GRIN2B: variants seen among roughly 807,000 people sequenced by gnomAD.
The protein encoded by GRIN2B is glutamate receptor ionotropic, NMDA 2B.
GRIN2B carries 5 observed loss-of-function variants against 114.5 expected under a neutral mutation model. The observed-to-expected ratio is 0.04, with a 90% CI of 0.02 to 0.09. GRIN2B has a LOEUF of 0.09. Ranked by LOEUF, GRIN2B falls within the 10% of genes least tolerant of loss-of-function variation. The pLI is 1.00. For synonymous variants in GRIN2B, 787 were observed against 745.1 expected, an observed-to-expected ratio of 1.06 and a Z score of -0.92; for missense variants, 1,108 against 1,943.5, an observed-to-expected ratio of 0.57 and a Z score of 8.08.
chr12:13,946,999 G>T (rs138907539), intron 2 of GRIN2B, among the ~76,000 whole-genome samples: 51 of 152,290 alleles, frequency 3.3e-4, no homozygotes, highest in African/African-American at 1.2e-3. Context: ...CTTTGGTAAG[G>T]AGAGAAAAGA....
chr12:13,707,128 G>C (rs1322882345), intron 4 of GRIN2B, among the ~76,000 whole-genome samples: 1 of 152,014 alleles, frequency 6.6e-6, no homozygotes, highest in African/African-American at 2.4e-5. Context: ...ATCTCACTTT[G>C]CTTTTATTCC....
intron 3 of GRIN2B, among the ~76,000 whole-genome samples, chr12:13,817,539 T>A (rs1864849685): frequency 1.3e-5 from 2 of 152,182 alleles, no homozygotes; most frequent in African/African-American, 4.8e-5. Flanking sequence ...CTAGCACATG[T>A]GGAATGCAAA....
At chr12:13,692,268 T>C (rs960877283) in intron 4 of GRIN2B, among the ~76,000 whole-genome samples, 1 of 152,098 alleles carries the variant, frequency 6.6e-6, no homozygotes, top group Non-Finnish European at 1.5e-5. Flanking sequence ...ACCAAGTTCA[T>C]ACGTTAGGGA....
At chr12:13,665,517 A>G (rs975412236) in intron 5 of GRIN2B, among the ~76,000 whole-genome samples, 3 of 152,088 alleles carry the variant, frequency 2.0e-5, no homozygotes, top group African/African-American at 7.2e-5. Context: ...TTGTACTCTT[A>G]TACTCCATGT....
chr12:13,920,244 A>T (rs1866800358), intron 2 of GRIN2B, among the ~76,000 whole-genome samples: 1 of 151,928 alleles, frequency 6.6e-6, no homozygotes, highest in Admixed American at 6.6e-5. Context: ...AGAAAAAAAA[A>T]AAAAAACGGG....
intron 2 of GRIN2B, among the ~76,000 whole-genome samples, chr12:13,897,717 T>A (rs1866376329): frequency 6.6e-6 from 1 of 152,112 alleles, no homozygotes; most frequent in African/African-American, 2.4e-5. Flanking sequence ...AGCCTATGAA[T>A]CTTTAAATAT....
chr12:13,581,717 C>T (rs1245792872), intron 10 of GRIN2B, among the ~76,000 whole-genome samples: 1 of 152,082 alleles, frequency 6.6e-6, no homozygotes, highest in East Asian at 1.9e-4. Context: ...TGAGACCAGC[C>T]TGGACAACAT....
chr12:13,838,308 A>T (rs1206386835), intron 3 of GRIN2B, among the ~76,000 whole-genome samples: 1 of 152,126 alleles, frequency 6.6e-6, no homozygotes, highest in Non-Finnish European at 1.5e-5. Context: ...AGCCCCTGAT[A>T]TTCCCTTGGA....
rs56276974 is a variant in GRIN2B at position 13,945,280 on chromosome 12, A to C, written c.-19+34648T>G. Among the ~76,000 whole-genome samples the C allele has an allele frequency of 2.2e-3, 337 of 152,312 alleles. 2 individuals are homozygous for C. Among genetic ancestry groups the C allele is most frequent in the African/African-American group, 7.9e-3 (328 of 41,568 alleles). On this transcript the variant is annotated intron_variant, in intron 2 of 13. Coordinates refer to ENST00000609686, the MANE Select transcript of GRIN2B (RefSeq NM_000834.5). ...CCATTGAAGGTATCATTGTTATGAC[A>C]TTAGAAAGAGTGAGAAGTGGCAGGG...
At position 13,675,958 on chromosome 12, in the gene GRIN2B, A is replaced by G. The variant is rs945266187; in HGVS notation, c.1011-99T>C. 6.9e-6 allele frequency: 5 copies of G among 729,370 alleles called. No homozygotes were observed. The African/African-American group carries it at 8.6e-5, about 13-fold the overall frequency. 45.2% of individuals were successfully genotyped at this position (729,370 alleles called of 1,614,324 possible). A position where few individuals can be genotyped will look rare whatever the true frequency, so the allele number is the denominator to read the frequency against. On this transcript the variant is annotated intron_variant, in intron 4 of 13. Transcript: ENST00000609686. ...GAGAGAAAGCTGGCTGGAGACAGACAAGTAAATAGAAATACAGATACCATT... is the reference window on the plus strand; with the variant it reads ...GAGAGAAAGCTGGCTGGAGACAGACGAGTAAATAGAAATACAGATACCATT...
At chr12:13,664,697 CTTAA>C (rs532974708) in intron 5 of GRIN2B, among the ~76,000 whole-genome samples, 345 of 151,880 alleles carry the variant, frequency 2.3e-3, no homozygotes, top group African/African-American at 7.9e-3. Context: ...TTTTTTTTAA[CTTAA>C]TTGAGTTTAA....
chr12:13,601,983 C>A (rs1003758438), intron 10 of GRIN2B, among the ~76,000 whole-genome samples: 1 of 152,118 alleles, frequency 6.6e-6, no homozygotes, highest in African/African-American at 2.4e-5. Context: ...CCCTGATGGA[C>A]AGACCTGGGG....
intron 3 of GRIN2B, among the ~76,000 whole-genome samples, chr12:13,831,485 G>C (rs1186869401): frequency 6.6e-6 from 1 of 152,174 alleles, no homozygotes; most frequent in Non-Finnish European, 1.5e-5. Flanking sequence ...TGGAGTCACA[G>C]AAGAGGTTAC....
intron 3 of GRIN2B, among the ~76,000 whole-genome samples, chr12:13,841,984 T>C (rs1336780649): frequency 6.6e-6 from 1 of 152,162 alleles, no homozygotes; most frequent in Admixed American, 6.6e-5. Flanking sequence ...ATAATTAGTC[T>C]GCAAATTGAG....
chr12:13,841,786 G>T (rs2284426), intron 3 of GRIN2B, among the ~76,000 whole-genome samples: 96,982 of 152,026 alleles, frequency 0.64, 31,140 homozygotes, highest in South Asian at 0.67. Context: ...TTGACACAGC[G>T]AGATGTATTC....
chr12:13,894,332 T>C (rs191065751), intron 2 of GRIN2B, among the ~76,000 whole-genome samples: 18 of 152,246 alleles, frequency 1.2e-4, no homozygotes, highest in Admixed American at 4.6e-4. Context: ...AGTAATTAAA[T>C]GGCCGACAGT....
At chr12:13,772,172 C>A (rs889291655) in intron 3 of GRIN2B, among the ~76,000 whole-genome samples, 1 of 152,248 alleles carries the variant, frequency 6.6e-6, no homozygotes, top group Non-Finnish European at 1.5e-5. Context: ...CCAGCTATCA[C>A]CCGGTCTCAG....
At chr12:13,611,416 G>T (rs937498647) in intron 9 of GRIN2B, among the ~76,000 whole-genome samples, 1 of 152,142 alleles carries the variant, frequency 6.6e-6, no homozygotes, top group Admixed American at 6.5e-5. Context: ...ACAGCCTAAG[G>T]TTATCAAAAT....
chr12:13,618,764 T>C (rs1949478616), intron 5 of GRIN2B, among the ~76,000 whole-genome samples: 1 of 152,218 alleles, frequency 6.6e-6, no homozygotes, highest in African/African-American at 2.4e-5. Context: ...TTAGTTCAAC[T>C]TGGAAAAGGA....
Sources: allele counts gnomAD v4.1 joint callset (sites outside exome capture counted in the v4.1 genomes callset), GRCh38; gene constraint gnomAD v4.1.1; transcripts MANE v1.5; gene names NCBI Gene and HGNC (gene_info 2026-07-23, HGNC 2026-07-21).